Variants in ZNF146 observed in about 807,000 individuals in gnomAD.
ZNF146 encodes the protein zinc finger protein OZF.
Under a neutral mutation model 22.2 loss-of-function variants are expected in ZNF146, and 9 were observed. The observed-to-expected ratio is 0.41, with a 90% CI of 0.24 to 0.71. ZNF146 has a LOEUF of 0.71. Among genes scored for constraint, ZNF146 ranks in the 30% least tolerant of loss-of-function variants. The pLI is 0.34. For synonymous variants in ZNF146, 108 were observed against 119.2 expected, an observed-to-expected ratio of 0.91 and a Z score of 0.61; for missense variants, 194 against 344.8, an observed-to-expected ratio of 0.56 and a Z score of 3.46.
chr19:36,226,730 T>G (rs1977083874), intron 2 of ZNF146, among the ~76,000 whole-genome samples: 1 of 152,346 alleles, frequency 6.6e-6, no homozygotes, highest in Admixed American at 6.5e-5. Context: ...TTAGTATTAT[T>G]TAATCCAAAG....
chr19:36,227,861 A>G (rs1977143273), intron 2 of ZNF146, among the ~76,000 whole-genome samples: 2 of 152,182 alleles, frequency 1.3e-5, no homozygotes, highest in South Asian at 2.1e-4. Context: ...GGGCCAGGAC[A>G]TCTCTAATAT....
chr19:36,220,631 G>T (rs1271122777), intron 2 of ZNF146, among the ~76,000 whole-genome samples: 1 of 152,070 alleles, frequency 6.6e-6, no homozygotes, highest in Non-Finnish European at 1.5e-5. Flanking sequence ...CTCCCAAAGC[G>T]CTGGGATTAC....
At chr19:36,223,861 A>T (rs1041591814) in intron 2 of ZNF146, among the ~76,000 whole-genome samples, 1 of 151,544 alleles carries the variant, frequency 6.6e-6, no homozygotes, top group Non-Finnish European at 1.5e-5. Context: ...AAAAAAAAAA[A>T]TTGTAGAGAT....
chr19:36,233,335 G>T (rs960575715), intron 3 of ZNF146, among the ~76,000 whole-genome samples: 1 of 152,160 alleles, frequency 6.6e-6, no homozygotes, highest in South Asian at 2.1e-4. Flanking sequence ...AGTCGAGATC[G>T]CACCACTGCA....
chr19:36,219,473 C>G (rs1173918711), intron 2 of ZNF146, among the ~76,000 whole-genome samples: 1 of 152,002 alleles, frequency 6.6e-6, no homozygotes, highest in African/African-American at 2.4e-5. Flanking sequence ...TCTATGATTA[C>G]TTTTGCATGG....
chr19:36,223,671 A>G (rs1976955322), intron 2 of ZNF146, among the ~76,000 whole-genome samples: 1 of 56,200 alleles, frequency 1.8e-5, no homozygotes, highest in Admixed American at 2.2e-4. Context: ...CTGATTCATC[A>G]GTCTTTTATG....
At chr19:36,221,729 ATGTCT>A (rs2145408216) in intron 2 of ZNF146, among the ~76,000 whole-genome samples, 1 of 151,734 alleles carries the variant, frequency 6.6e-6, no homozygotes, top group East Asian at 1.9e-4. Flanking sequence ...TTATGTAAAC[ATGTCT>A]TGTTTTTTTT....
chr19:36,222,211 A>C (rs1282116451), intron 2 of ZNF146, among the ~76,000 whole-genome samples: 1 of 152,148 alleles, frequency 6.6e-6, no homozygotes, highest in Non-Finnish European at 1.5e-5. Context: ...AGTGTGAGCC[A>C]CTGCACCCAG....
chr19:36,227,115 G>A (rs1269061647), intron 2 of ZNF146, among the ~76,000 whole-genome samples: 4 of 151,358 alleles, frequency 2.6e-5, no homozygotes, highest in Non-Finnish European at 5.9e-5. Flanking sequence ...TTGGCTGGGC[G>A]CAGTGGCTCA....
At chr19:36,228,571 CAT>C (rs1000576319) in intron 2 of ZNF146, 175 bp from the exon 3 acceptor site, 2 of 152,206 alleles carry the variant, frequency 1.3e-5, no homozygotes, top group African/African-American at 4.8e-5. Context: ...CCTTTGCCCA[CAT>C]GATTGTGTGT....
Position 36,237,426 on chromosome 19 carries a change from C to CT in ZNF146, c.*110dup. 1 of 1,381,058 alleles carries CT rather than the reference C, an allele frequency of 7.2e-7. No individual in the cohort carries two copies. The highest frequency in any genetic ancestry group is 9.7e-7 in the Non-Finnish European group (1 of 1,034,748). The allele number at this position is 1,381,058 out of a possible 1,614,324, so 85.6% of individuals were successfully genotyped here. A position where few individuals can be genotyped will look rare whatever the true frequency, so the allele number is the denominator to read the frequency against. On this transcript the variant is annotated 3_prime_UTR_variant, in exon 4 of 4. Transcript: ENST00000443387. ...AGCAAAGCACCACGAATGAGGTTAACTTTAACAAGTACTAAAAACTTAAGG... is the reference window on the plus strand; with the variant it reads ...AGCAAAGCACCACGAATGAGGTTAACTTTTAACAAGTACTAAAAACTTAAGG...
intron 3 of ZNF146, among the ~76,000 whole-genome samples, chr19:36,234,092 G>A (rs199589235): frequency 2.0e-5 from 3 of 151,516 alleles, no homozygotes; most frequent in African/African-American, 7.2e-5. Context: ...TGACTCTTAA[G>A]GAGCATGCTG....
intron 1 of ZNF146, 29 bp from the exon 2 acceptor site, chr19:36,218,093 A>AATTTTTTTTTT (rs1976687009): frequency 9.2e-6 from 1 of 108,634 alleles, no homozygotes; most frequent in African/African-American, 3.6e-5. Flanking sequence ...GCATGAGCTA[A>AATTTTTTTTTT]TTTTTTTTTT....
chr19:36,234,932 C>T (rs917998779), intron 3 of ZNF146, among the ~76,000 whole-genome samples: 5 of 151,640 alleles, frequency 3.3e-5, no homozygotes, highest in African/African-American at 1.2e-4. Context: ...ACTTTTTTTT[C>T]AGCCACCATC....
chr19:36,221,521 C>G (rs1040330744), intron 2 of ZNF146, among the ~76,000 whole-genome samples: 3 of 152,046 alleles, frequency 2.0e-5, no homozygotes, highest in African/African-American at 7.2e-5. Context: ...ATCTCCTGAC[C>G]TCGTGATCCA....
upstream of ZNF146, chr19:36,215,083 C>A (rs533287694): frequency 6.6e-6 from 1 of 152,524 alleles, no homozygotes; most frequent in South Asian, 2.1e-4. Context: ...GCGGAGACTT[C>A]TGGGAGTGCT....
At chr19:36,233,566 C>T (rs956564572) in intron 3 of ZNF146, among the ~76,000 whole-genome samples, 6 of 151,982 alleles carry the variant, frequency 3.9e-5, no homozygotes, top group African/African-American at 1.5e-4. Context: ...GGGCGTTTCT[C>T]GGAGAGGGGG....
intron 3 of ZNF146, among the ~76,000 whole-genome samples, chr19:36,233,496 C>G (rs762052954): frequency 6.6e-6 from 1 of 151,914 alleles, no homozygotes; most frequent in Non-Finnish European, 1.5e-5. Flanking sequence ...GACCTGCATA[C>G]GGAGGACCTC....
At chr19:36,231,766 A>G (rs1460970811) in intron 3 of ZNF146, among the ~76,000 whole-genome samples, 3 of 152,120 alleles carry the variant, frequency 2.0e-5, no homozygotes, top group Non-Finnish European at 4.4e-5. Context: ...TCAAGCCTTA[A>G]AAAGACACAC....
Sources: gnomAD v4.1 joint callset for allele counts (sites outside exome capture counted in the v4.1 genomes callset) on GRCh38, gnomAD v4.1.1 for gene constraint, MANE v1.5 for transcripts, NCBI Gene and HGNC (gene_info 2026-07-23, HGNC 2026-07-21) for gene names.